The following AK9 variants were observed in gnomAD, a reference collection of about 807,000 sequenced individuals.
AK9 encodes the protein adenylate kinase 9.
In AK9, 191 loss-of-function variants were observed where a neutral mutation model predicts 239.6. The observed-to-expected ratio is 0.80, with a 90% confidence interval of 0.71 to 0.90. AK9 has a LOEUF of 0.90. AK9 is among the 40% of genes least tolerant of loss of function. The pLI, the probability that AK9 is intolerant of heterozygous loss-of-function variation, is 0.00. For synonymous variants in AK9, 689 were observed against 721.0 expected (o/e 0.96, Z 0.71); for missense variants, 1,995 against 2,214.7 (o/e 0.90, Z 1.99).
At chr6:109,568,230 G>A (rs139103429) in intron 21 of AK9, among the ~76,000 whole-genome samples, 431 of 151,996 alleles carry the variant, frequency 2.8e-3, no homozygotes, top group African/African-American at 9.9e-3. Context: ...ATTCAACAGC[G>A]CTTCATGCTA....
chr6:109,602,200 A>T (rs1263946858), intron 17 of AK9, among the ~76,000 whole-genome samples: 1 of 152,192 alleles, frequency 6.6e-6, no homozygotes, highest in Non-Finnish European at 1.5e-5. Flanking sequence ...ATGTTTTTGC[A>T]GTGGCTGGTA....
chr6:109,512,347 A>C (rs1342849831), intron 32 of AK9, among the ~76,000 whole-genome samples: 4 of 152,222 alleles, frequency 2.6e-5, no homozygotes, highest in African/African-American at 9.7e-5. Flanking sequence ...TCATCAATAA[A>C]TAACCATAAA....
chr6:109,646,854 C>T (rs1376243351), intron 8 of AK9, among the ~76,000 whole-genome samples: 1 of 152,124 alleles, frequency 6.6e-6, no homozygotes, highest in Non-Finnish European at 1.5e-5. Context: ...GTTGGGTTAC[C>T]CACAAAGAGA....
At chr6:109,513,689 G>A (rs1445043874) in intron 32 of AK9, among the ~76,000 whole-genome samples, 1 of 152,172 alleles carries the variant, frequency 6.6e-6, no homozygotes, top group East Asian at 1.9e-4. Flanking sequence ...GAATCAGGCT[G>A]CACCTTTGAC....
chr6:109,685,593 T>C (rs773581933), intron 1 of AK9, among the ~76,000 whole-genome samples: 1 of 151,528 alleles, frequency 6.6e-6, no homozygotes, highest in African/African-American at 2.4e-5. Flanking sequence ...TGGGGGGCTA[T>C]GGGAGGGATA....
chr6:109,683,121 C>CACATAAATAGAACCAATG (rs1772927642), intron 1 of AK9, among the ~76,000 whole-genome samples: 1 of 152,128 alleles, frequency 6.6e-6, no homozygotes. Flanking sequence ...TGTAATCCAT[C>CACATAAATAGAACCAATG]ACATAAATAG....
At chr6:109,571,771 A>G (rs540294105) in intron 21 of AK9, among the ~76,000 whole-genome samples, 5 of 152,304 alleles carry the variant, frequency 3.3e-5, no homozygotes, top group African/African-American at 1.2e-4. Context: ...GATACAGTGT[A>G]CAGCCAAATG....
intron 17 of AK9, among the ~76,000 whole-genome samples, chr6:109,600,518 G>A (rs1025877890): frequency 6.6e-6 from 1 of 152,180 alleles, no homozygotes; most frequent in African/African-American, 2.4e-5. Context: ...ATGTTCATCA[G>A]GGATATTGGT....
In AK9 at chr6:109,665,555, A is replaced by G. The variant is rs959019510; in HGVS notation, c.332-2892T>C. Among the ~76,000 whole-genome samples, 4 of 152,118 alleles carry G rather than the reference A, an allele frequency of 2.6e-5. No individual in the cohort carries two copies. The East Asian group carries it at 7.7e-4, about 29-fold the overall frequency. Reference sequence around the variant, plus strand: ...TTGTGAGTCTAGCTTCCACTTGATTAACAACATGTTTGAACTGGTTTTTAA... The same window carrying G: ...TTGTGAGTCTAGCTTCCACTTGATTGACAACATGTTTGAACTGGTTTTTAA... On this transcript the variant is annotated intron_variant, in intron 5 of 40. Coordinates refer to ENST00000424296, the MANE Select transcript of AK9 (RefSeq NM_001145128.3).
intron 12 of AK9, among the ~76,000 whole-genome samples, chr6:109,628,763 C>T (rs959619081): frequency 1.2e-4 from 18 of 152,172 alleles, no homozygotes; most frequent in Middle Eastern, 6.8e-3. Context: ...TGGAAAACTT[C>T]TGTGGTTTTT....
chr6:109,569,349 C>T (rs1291891599), intron 21 of AK9, among the ~76,000 whole-genome samples: 4 of 152,158 alleles, frequency 2.6e-5, no homozygotes, highest in African/African-American at 9.7e-5. Flanking sequence ...CTAGGCAATA[C>T]CATTCAGGAC....
chr6:109,611,985 T>C, intron 16 of AK9, 25 bp downstream of exon 16: 2 of 1,415,116 alleles, frequency 1.4e-6, no homozygotes, highest in Non-Finnish European at 9.6e-7. Context: ...TCTAAAAGAA[T>C]CAAATTATAC....
At position 109,579,562 on chromosome 6, in the gene AK9, C is replaced by CT. The variant is rs1562441735; in HGVS notation, c.2178dup (p.Val727SerfsTer7). The CT allele has an allele frequency of 6.4e-7, 1 of 1,551,414 alleles. No homozygotes were observed. The highest frequency in any genetic ancestry group is 1.2e-5 in the South Asian group (1 of 83,988). On this transcript the variant is annotated frameshift_variant, in exon 20 of 41. Coordinates refer to ENST00000424296, the MANE Select transcript of AK9 (RefSeq NM_001145128.3). LOFTEE classifies it high-confidence loss of function. ...AATCTGTGCTTGCCTTTTGCCTTCACTTTCATAAGTTCCAGTAGCCTTCGA... is the reference window on the plus strand; with the variant it reads ...AATCTGTGCTTGCCTTTTGCCTTCACTTTTCATAAGTTCCAGTAGCCTTCGA...
chr6:109,665,956 G>A (rs926519622), intron 5 of AK9, among the ~76,000 whole-genome samples: 2 of 152,172 alleles, frequency 1.3e-5, no homozygotes, highest in Admixed American at 6.5e-5. Context: ...CATTCCACGT[G>A]CAACTGTTTG....
At chr6:109,527,001 G>A (rs1582844546) in intron 29 of AK9, among the ~76,000 whole-genome samples, 3 of 152,036 alleles carry the variant, frequency 2.0e-5, no homozygotes, top group Non-Finnish European at 2.9e-5. Context: ...ACTCTTCTCC[G>A]AGGCGTAGTC....
intron 5 of AK9, among the ~76,000 whole-genome samples, chr6:109,666,177 G>A (rs970471805): frequency 1.3e-5 from 2 of 152,192 alleles, no homozygotes; most frequent in Non-Finnish European, 2.9e-5. Context: ...CAGAGCCTAG[G>A]GGTGTATCTA....
chr6:109,626,579 C>A (rs377141069), intron 12 of AK9, among the ~76,000 whole-genome samples: 1 of 152,266 alleles, frequency 6.6e-6, no homozygotes, highest in Admixed American at 6.5e-5. Context: ...TGTACTTACA[C>A]AAACTTAGAG....
At chr6:109,589,501 G>T (rs1466974604) in intron 17 of AK9, among the ~76,000 whole-genome samples, 1 of 152,078 alleles carries the variant, frequency 6.6e-6, no homozygotes, top group African/African-American at 2.4e-5. Flanking sequence ...TCTAGGTATA[G>T]AAACATATCA....
rs914521412 is a variant in AK9, at chr6:109,537,463, T to C, written c.3351-3993A>G. 2.8e-5 allele frequency among the ~76,000 whole-genome samples: 4 copies of C among 143,880 alleles called. No individual in the cohort carries two copies. In the South Asian group the frequency reaches 6.6e-4, roughly 24 times the overall value. 94.4% of individuals were successfully genotyped at this position (143,880 alleles called of 152,430 possible). On this transcript the variant is annotated intron_variant, in intron 27 of 40. Transcript: ENST00000424296. ...ATTGGTGGTGATATCCCCTTTATCA[T>C]TTTTTATTGCATCTATTTGATTCTT...
Sources: allele counts gnomAD v4.1 joint callset (sites outside exome capture counted in the v4.1 genomes callset), GRCh38; gene constraint gnomAD v4.1.1; transcripts MANE v1.5; gene names NCBI Gene and HGNC (gene_info 2026-07-23, HGNC 2026-07-21).